Variants in FBXL17 observed in about 807,000 individuals in gnomAD.
FBXL17 encodes the protein F-box and leucine rich repeat protein 17, also known as F-box/LRR-repeat protein 17.
A neutral mutation model predicts 66.2 loss-of-function variants in FBXL17; 22 were observed. The observed-to-expected ratio is 0.33, with a 90% confidence interval of 0.24 to 0.47. FBXL17 has a LOEUF of 0.47. Ranked by LOEUF, FBXL17 falls within the 20% of genes least tolerant of loss-of-function variation. The pLI, the probability that FBXL17 is intolerant of heterozygous loss-of-function variation, is 1.00. For missense variants in FBXL17, 878 were observed against 948.2 expected (o/e 0.93, Z 0.97); for synonymous variants, 474 against 400.5 (o/e 1.18, Z -2.19).
intron 4 of FBXL17, among the ~76,000 whole-genome samples, chr5:108,338,280 C>T (rs1746645770): frequency 6.6e-6 from 1 of 151,988 alleles, no homozygotes; most frequent in South Asian, 2.1e-4. Context: ...TATATGCCTT[C>T]TTCTTTATAT....
chr5:107,861,748 G>T lies in FBXL17; in HGVS notation c.2078C>A (p.Thr693Asn), dbSNP rs777663695. The T allele has an allele frequency of 5.0e-6, 8 of 1,585,718 alleles. No homozygotes were observed. In the African/African-American group the frequency reaches 1.1e-4, roughly 21 times the overall value. The change falls in exon 9 of 9, where the codon ACC (threonine) becomes AAC (asparagine). Residue 693 changes from threonine to asparagine, a missense_variant. This residue lies in a region of FBXL17 where 31 missense variants were observed against 27.0 expected (regional missense o/e 1.15). Coordinates refer to ENST00000542267, the MANE Select transcript of FBXL17 (RefSeq NM_001163315.3). ...TLERAYQMGWTPNMSAASS is the reference protein window; with the variant it reads ...TLERAYQMGWNPNMSAASS Reference sequence around the variant, plus strand: ...GGAGGAGGCGGCAGACATGTTGGGGGTCCAGCCCATCTGATAGGCTCTCTC... The same window carrying T: ...GGAGGAGGCGGCAGACATGTTGGGGTTCCAGCCCATCTGATAGGCTCTCTC...
At chr5:107,988,337 C>G (rs1216107976) in intron 7 of FBXL17, among the ~76,000 whole-genome samples, 4 of 151,310 alleles carry the variant, frequency 2.6e-5, no homozygotes, top group Non-Finnish European at 4.4e-5. Flanking sequence ...CTGGTCAACA[C>G]TTTCCCTCCA....
chr5:108,032,913 A>G (rs766300402), intron 6 of FBXL17, among the ~76,000 whole-genome samples: 32 of 152,216 alleles, frequency 2.1e-4, no homozygotes, highest in Non-Finnish European at 3.8e-4. Flanking sequence ...ATGGCAATTA[A>G]GATGATGTGA....
At chr5:107,920,980 T>C (rs1440186601) in intron 7 of FBXL17, among the ~76,000 whole-genome samples, 1 of 152,188 alleles carries the variant, frequency 6.6e-6, no homozygotes, top group African/African-American at 2.4e-5. Flanking sequence ...TCCTTGTTTA[T>C]GGCTTGTTGA....
intron 5 of FBXL17, among the ~76,000 whole-genome samples, chr5:108,199,859 G>A (rs1753819393): frequency 1.3e-5 from 2 of 152,084 alleles, no homozygotes; most frequent in South Asian, 2.1e-4. Context: ...TTTCATTAAG[G>A]GAATTGGTTA....
At chr5:107,934,324 T>C (rs1750828240) in intron 7 of FBXL17, among the ~76,000 whole-genome samples, 1 of 152,146 alleles carries the variant, frequency 6.6e-6, no homozygotes, top group Non-Finnish European at 1.5e-5. Flanking sequence ...TGTCATCCAA[T>C]AGCATAAATG....
chr5:108,257,604 T>C (rs1316314137), intron 4 of FBXL17, among the ~76,000 whole-genome samples: 2 of 152,170 alleles, frequency 1.3e-5, no homozygotes, highest in African/African-American at 4.8e-5. Context: ...GCAGCTGTGA[T>C]GTAATCTTGT....
At chr5:108,144,114 C>G (rs1235096545) in intron 6 of FBXL17, among the ~76,000 whole-genome samples, 1 of 152,122 alleles carries the variant, frequency 6.6e-6, no homozygotes, top group Non-Finnish European at 1.5e-5. Context: ...TTTGGTATTT[C>G]TAACACACTT....
chr5:108,106,278 A>G (rs1749792397), intron 6 of FBXL17, among the ~76,000 whole-genome samples: 1 of 152,224 alleles, frequency 6.6e-6, no homozygotes, highest in Admixed American at 6.5e-5. Context: ...TGTTGGCAAG[A>G]ATGTGTAGAA....
At chr5:107,939,532 T>C (rs1327207719) in intron 7 of FBXL17, among the ~76,000 whole-genome samples, 1 of 152,148 alleles carries the variant, frequency 6.6e-6, no homozygotes, top group East Asian at 1.9e-4. Context: ...CCATGAAGTA[T>C]TAGTGTGTAT....
At chr5:108,156,830 T>C (rs941781161) in intron 6 of FBXL17, among the ~76,000 whole-genome samples, 3 of 151,890 alleles carry the variant, frequency 2.0e-5, no homozygotes, top group Admixed American at 1.3e-4. Context: ...GTTCCAAGAA[T>C]AATAATTTGT....
At chr5:108,324,573 A>C (rs954558068) in intron 4 of FBXL17, among the ~76,000 whole-genome samples, 1 of 152,012 alleles carries the variant, frequency 6.6e-6, no homozygotes, top group African/African-American at 2.4e-5. Flanking sequence ...AGATCCAGTA[A>C]TTTTACTTCT....
chr5:108,325,516 T>C (rs1267252665), intron 4 of FBXL17, among the ~76,000 whole-genome samples: 1 of 151,980 alleles, frequency 6.6e-6, no homozygotes, highest in Non-Finnish European at 1.5e-5. Flanking sequence ...AAAGGGATAC[T>C]TTTTCAGGAA....
intron 5 of FBXL17, among the ~76,000 whole-genome samples, chr5:108,197,884 C>T (rs11738889): frequency 9.1e-4 from 138 of 152,238 alleles, no homozygotes; most frequent in Non-Finnish European, 1.6e-3. Flanking sequence ...GCCTTACATT[C>T]TCATTTATTG....
chr5:108,103,516 C>A (rs1749677821), intron 6 of FBXL17, among the ~76,000 whole-genome samples: 1 of 152,016 alleles, frequency 6.6e-6, no homozygotes, highest in Admixed American at 6.6e-5. Context: ...TACTATTAAT[C>A]TAATTTAGGA....
chr5:108,307,636 A>G (rs1758911610), intron 4 of FBXL17, among the ~76,000 whole-genome samples: 1 of 151,892 alleles, frequency 6.6e-6, no homozygotes. Flanking sequence ...TACCATATCA[A>G]TCTCTGATTT....
At chr5:108,331,440 T>C (rs1433168711) in intron 4 of FBXL17, among the ~76,000 whole-genome samples, 1 of 152,220 alleles carries the variant, frequency 6.6e-6, no homozygotes, top group Non-Finnish European at 1.5e-5. Flanking sequence ...ACTAAGCTGT[T>C]ACAGAAAAAG....
chr5:108,113,585 C>T (rs755942616), intron 6 of FBXL17, among the ~76,000 whole-genome samples: 131 of 151,996 alleles, frequency 8.6e-4, no homozygotes, highest in Non-Finnish European at 1.5e-3. Context: ...AGATGTTCTC[C>T]GATGGAGGAC....
intron 7 of FBXL17, among the ~76,000 whole-genome samples, chr5:107,927,908 C>T (rs1750585716): frequency 6.6e-6 from 1 of 152,024 alleles, no homozygotes. Context: ...AAATTCACCT[C>T]CTCTTATAAC....
Sources: allele counts gnomAD v4.1 joint callset (sites outside exome capture counted in the v4.1 genomes callset), GRCh38; gene constraint gnomAD v4.1.1; regional missense constraint gnomAD v4.1.1; transcripts MANE v1.5; gene names NCBI Gene and HGNC (gene_info 2026-07-23, HGNC 2026-07-21).